EPHA4: variants seen among roughly 807,000 people sequenced by gnomAD.
EPHA4 encodes EPH receptor A4.
Under a neutral mutation model 108.3 loss-of-function variants are expected in EPHA4, and 19 were observed. The ratio of observed to expected loss-of-function variants is 0.18; its 90% CI spans 0.12 to 0.26. The LOEUF (loss-of-function observed/expected upper bound fraction) is 0.26, where lower values mean the gene tolerates loss of function less well. EPHA4 is among the 10% of genes least tolerant of loss of function. The probability of loss-of-function intolerance (pLI) is 1.00; values close to 1 mark genes in which losing one functional copy is unlikely to be tolerated. For synonymous variants in EPHA4, 449 were observed against 455.5 expected, an observed-to-expected ratio of 0.99 and a Z score of 0.18; for missense variants, 917 against 1,254.0, an observed-to-expected ratio of 0.73 and a Z score of 4.06.
At chr2:221,572,090 C>T in intron 1 of EPHA4, 68 bp downstream of exon 1, 3 of 1,355,784 alleles carry the variant, frequency 2.2e-6, no homozygotes, top group Non-Finnish European at 3.2e-6. Flanking sequence ...GCCCTGCGCT[C>T]CTGAGGACCC....
chr2:221,517,188 G>A lies in EPHA4; in HGVS notation c.824-16016C>T, dbSNP rs530788497. On this transcript the variant is annotated intron_variant, in intron 3 of 17. Transcript: ENST00000281821. Reference sequence around the variant, plus strand: ...GGGGCTGGGAAGGTGGTTCATAGGGGATCTCAATTAATAAAGGGCCAGCAA... The same window carrying A: ...GGGGCTGGGAAGGTGGTTCATAGGGAATCTCAATTAATAAAGGGCCAGCAA... Among the ~76,000 whole-genome samples the A allele has an allele frequency of 2.0e-5, 3 of 152,254 alleles. No individual in the cohort carries two copies. The South Asian group carries it at 6.2e-4, about 32-fold the overall frequency.
At chr2:221,538,157 T>C (rs1056981217) in intron 3 of EPHA4, among the ~76,000 whole-genome samples, 1 of 152,146 alleles carries the variant, frequency 6.6e-6, no homozygotes, top group Non-Finnish European at 1.5e-5. Context: ...GATGTATGAG[T>C]AGGGTTATAA....
At chr2:221,475,885 C>T (rs1365272536) in intron 5 of EPHA4, among the ~76,000 whole-genome samples, 1 of 152,188 alleles carries the variant, frequency 6.6e-6, no homozygotes, top group Non-Finnish European at 1.5e-5. Context: ...CTGACCCCTG[C>T]TTTAGGGCAC....
In EPHA4 at chr2:221,425,999, C is replaced by A. The variant is rs763963843; in HGVS notation, c.*29G>T. On this transcript the variant is annotated 3_prime_UTR_variant, in exon 17 of 18. Transcript: ENST00000281821. ...GTGCATGGATGAGGTAAACTAATTT[C>A]AAGAGTTTTGAGTTTATTCAGTACT... 6.3e-7 allele frequency: 1 copy of A among 1,590,914 alleles called. No individual in the cohort carries two copies. Among genetic ancestry groups the A allele is most frequent in the Admixed American group, 1.7e-5 (1 of 59,826 alleles).
At chr2:221,496,097 A>T (rs1276515414) in intron 4 of EPHA4, among the ~76,000 whole-genome samples, 1 of 152,112 alleles carries the variant, frequency 6.6e-6, no homozygotes, top group Non-Finnish European at 1.5e-5. Flanking sequence ...CCATCCCCAC[A>T]TCTTGTCAAG....
At chr2:221,482,188 C>A (rs1470033026) in intron 5 of EPHA4, among the ~76,000 whole-genome samples, 164 bp downstream of exon 5, 1 of 152,098 alleles carries the variant, frequency 6.6e-6, no homozygotes, top group Non-Finnish European at 1.5e-5. Context: ...TGGGATTACA[C>A]GTGTAAGCCA....
At chr2:221,496,038 T>G (rs1201708108) in intron 4 of EPHA4, among the ~76,000 whole-genome samples, 2 of 152,122 alleles carry the variant, frequency 1.3e-5, no homozygotes, top group Non-Finnish European at 2.9e-5. Flanking sequence ...GAAGAACTGA[T>G]TAGAGGCTGG....
At chr2:221,512,566 G>A (rs1347087158) in intron 3 of EPHA4, among the ~76,000 whole-genome samples, 1 of 152,134 alleles carries the variant, frequency 6.6e-6, no homozygotes, top group African/African-American at 2.4e-5. Context: ...ATAAAGATGA[G>A]TGGCTCATTA....
At chr2:221,436,207 C>T (rs1007050253) in intron 13 of EPHA4, among the ~76,000 whole-genome samples, 192 bp downstream of exon 13, 3 of 152,104 alleles carry the variant, frequency 2.0e-5, no homozygotes, top group African/African-American at 7.2e-5. Flanking sequence ...TATGGTCATA[C>T]ATCTACAGTC....
intron 13 of EPHA4, among the ~76,000 whole-genome samples, chr2:221,435,796 T>C (rs907472521): frequency 7.2e-5 from 11 of 152,194 alleles, no homozygotes; most frequent in African/African-American, 2.2e-4. Context: ...AAACCTTGCA[T>C]GGTATAAATG....
intron 3 of EPHA4, among the ~76,000 whole-genome samples, chr2:221,547,317 T>C (rs1694025661): frequency 1.3e-5 from 2 of 152,238 alleles, no homozygotes; most frequent in Admixed American, 6.5e-5. Flanking sequence ...TAAATCTCTC[T>C]AGATTTATTA....
At chr2:221,461,947 CA>C (rs1342174068) in intron 5 of EPHA4, among the ~76,000 whole-genome samples, 1 of 150,222 alleles carries the variant, frequency 6.7e-6, no homozygotes, top group Non-Finnish European at 1.5e-5. Context: ...GTGTCAGAAG[CA>C]AAGCCAGGAA....
intron 3 of EPHA4, among the ~76,000 whole-genome samples, chr2:221,520,535 CACACACACAGAG>C (rs759524371): frequency 0.019 from 2,374 of 124,144 alleles, 64 homozygotes; most frequent in African/African-American, 0.062. Context: ...CACACACACA[CACACACACAGAG>C]AGAGAGAGAG....
intron 5 of EPHA4, among the ~76,000 whole-genome samples, chr2:221,474,242 T>C (rs1691589378): frequency 6.6e-6 from 1 of 152,132 alleles, no homozygotes. Context: ...CCACCCCGAA[T>C]ACAAATTCAC....
intron 3 of EPHA4, among the ~76,000 whole-genome samples, chr2:221,552,916 A>T (rs1308247005): frequency 1.3e-5 from 2 of 152,190 alleles, no homozygotes; most frequent in Non-Finnish European, 2.9e-5. Flanking sequence ...AATTAAACTG[A>T]TGTAAAACAT....
At chr2:221,572,082 C>A (rs1208149643) in intron 1 of EPHA4, 76 bp downstream of exon 1, 4 of 1,236,676 alleles carry the variant, frequency 3.2e-6, no homozygotes, top group Non-Finnish European at 4.8e-6. Context: ...ACCACCTGGC[C>A]CTGCGCTCCT....
intron 5 of EPHA4, among the ~76,000 whole-genome samples, chr2:221,481,120 G>T (rs1691803306): frequency 6.6e-6 from 1 of 152,112 alleles, no homozygotes; most frequent in Non-Finnish European, 1.5e-5. Flanking sequence ...CTGGAGGGGT[G>T]GTAACTTTTT....
chr2:221,426,217 G>A, intron 16 of EPHA4, 75 bp from the exon 17 acceptor site: 1 of 1,346,946 alleles, frequency 7.4e-7, no homozygotes, highest in Non-Finnish European at 1.1e-6. Flanking sequence ...GCTTCATGCA[G>A]ACACACGTTT....
At chr2:221,503,322 A>G (rs555079699) in intron 3 of EPHA4, among the ~76,000 whole-genome samples, 1 of 152,382 alleles carries the variant, frequency 6.6e-6, no homozygotes, top group Admixed American at 6.5e-5. Context: ...TGGAAGATCG[A>G]CAAGGACAAG....
Sources: gnomAD v4.1 joint callset for allele counts (sites outside exome capture counted in the v4.1 genomes callset) on GRCh38, gnomAD v4.1.1 for gene constraint, MANE v1.5 for transcripts, NCBI Gene and HGNC (gene_info 2026-07-23, HGNC 2026-07-21) for gene names.